The following IQCM variants were observed in gnomAD, a reference collection of about 807,000 sequenced individuals.
IQCM encodes the protein IQ domain-containing protein M.
A neutral mutation model predicts 57.6 loss-of-function variants in IQCM; 45 were observed. The observed-to-expected ratio is 0.78, with a 90% CI of 0.62 to 1.00. The LOEUF is 1.00. Among genes scored for constraint, IQCM ranks in the 50% least tolerant of loss-of-function variants. The pLI is 0.00. For synonymous variants in IQCM, 148 were observed against 158.9 expected (o/e 0.93, Z 0.51); for missense variants, 468 against 511.6 (o/e 0.91, Z 0.82).
At chr4:149,779,060 T>G (rs1771364312) in intron 2 of IQCM, among the ~76,000 whole-genome samples, 1 of 152,148 alleles carries the variant, frequency 6.6e-6, no homozygotes, top group Non-Finnish European at 1.5e-5. Context: ...TCATCATGAA[T>G]ATACACAAAA....
intron 2 of IQCM, among the ~76,000 whole-genome samples, chr4:149,756,303 A>T (rs758303169): frequency 6.6e-6 from 1 of 152,232 alleles, no homozygotes; most frequent in African/African-American, 2.4e-5. Flanking sequence ...GGCTATCTAG[A>T]AAAGGATGGC....
chr4:149,784,431 A>G (rs1771890384), intron 2 of IQCM, among the ~76,000 whole-genome samples: 1 of 152,164 alleles, frequency 6.6e-6, no homozygotes, highest in Admixed American at 6.5e-5. Flanking sequence ...CTCTGAAAAA[A>G]GTAAATCTTT....
intron 13 of IQCM, among the ~76,000 whole-genome samples, chr4:149,400,025 T>C (rs966250784): frequency 3.3e-5 from 5 of 151,932 alleles, no homozygotes; most frequent in Admixed American, 6.6e-5. Flanking sequence ...AGACTCTGGA[T>C]TGGCGGTAGA....
chr4:149,644,182 CTAT>C (rs2150120940), intron 7 of IQCM, among the ~76,000 whole-genome samples: 1 of 152,224 alleles, frequency 6.6e-6, no homozygotes, highest in African/African-American at 2.4e-5. Flanking sequence ...TTAAAATCTA[CTAT>C]TGTAAAATAT....
intron 2 of IQCM, among the ~76,000 whole-genome samples, chr4:149,787,580 C>A (rs1372335094): frequency 6.6e-6 from 1 of 151,948 alleles, no homozygotes; most frequent in Non-Finnish European, 1.5e-5. Flanking sequence ...CAAGAACATC[C>A]ATTGGGGAAA....
At chr4:149,588,345 C>A (rs1335099296) in intron 8 of IQCM, among the ~76,000 whole-genome samples, 1 of 151,400 alleles carries the variant, frequency 6.6e-6, no homozygotes, top group African/African-American at 2.4e-5. Flanking sequence ...AGTACATATG[C>A]AAAAGGGAAA....
intron 12 of IQCM, among the ~76,000 whole-genome samples, chr4:149,531,166 T>A (rs1746709623): frequency 6.6e-6 from 1 of 152,156 alleles, no homozygotes; most frequent in Admixed American, 6.6e-5. Context: ...ATATTGATTG[T>A]ATGATAAGAT....
chr4:149,563,023 T>C (rs906564283), intron 10 of IQCM, among the ~76,000 whole-genome samples: 11 of 152,302 alleles, frequency 7.2e-5, no homozygotes, highest in African/African-American at 2.6e-4. Flanking sequence ...TAGGATTCTC[T>C]CAAAGGTTTT....
intron 2 of IQCM, among the ~76,000 whole-genome samples, chr4:149,772,267 A>C (rs1165868462): frequency 6.6e-6 from 1 of 152,186 alleles, no homozygotes; most frequent in East Asian, 1.9e-4. Flanking sequence ...GGAATATTAC[A>C]CATAACTTAC....
At chr4:149,797,568 G>A (rs1773222969) in intron 2 of IQCM, among the ~76,000 whole-genome samples, 1 of 152,140 alleles carries the variant, frequency 6.6e-6, no homozygotes, top group East Asian at 1.9e-4. Flanking sequence ...CAATATTCAA[G>A]TACAGAAAGG....
chr4:149,764,542 T>C (rs926872587), intron 2 of IQCM, among the ~76,000 whole-genome samples: 3 of 152,142 alleles, frequency 2.0e-5, no homozygotes, highest in Non-Finnish European at 4.4e-5. Context: ...TATTTAAGCA[T>C]CACCGTCTGG....
chr4:149,662,494 T>C (rs1760313185), intron 7 of IQCM, among the ~76,000 whole-genome samples: 1 of 151,986 alleles, frequency 6.6e-6, no homozygotes, highest in African/African-American at 2.4e-5. Flanking sequence ...GATCTGTCCA[T>C]TGTTGAAAGT....
At chr4:149,665,054 G>A (rs1198317304) in intron 7 of IQCM, among the ~76,000 whole-genome samples, 1 of 152,182 alleles carries the variant, frequency 6.6e-6, no homozygotes, top group African/African-American at 2.4e-5. Context: ...GAATTGCAGT[G>A]CTGCAGAAAC....
At chr4:149,404,122 C>T (rs1026618836) in intron 13 of IQCM, among the ~76,000 whole-genome samples, 6 of 152,124 alleles carry the variant, frequency 3.9e-5, no homozygotes, top group African/African-American at 1.4e-4. Flanking sequence ...AGAACTCTCA[C>T]CTCTTGGGAG....
chr4:149,732,435 T>C (rs531171908), intron 5 of IQCM, among the ~76,000 whole-genome samples: 2 of 152,242 alleles, frequency 1.3e-5, no homozygotes, highest in Admixed American at 6.5e-5. Context: ...TGCTCCTCAG[T>C]GTTTCCATAA....
chr4:149,527,961 C>G (rs536388837), intron 12 of IQCM, among the ~76,000 whole-genome samples: 1 of 149,520 alleles, frequency 6.7e-6, no homozygotes, highest in South Asian at 2.1e-4. Context: ...GCTTGGATAT[C>G]TTCATGAGAG....
At chr4:149,717,786 C>T (rs1226691963) in intron 5 of IQCM, among the ~76,000 whole-genome samples, 1 of 152,180 alleles carries the variant, frequency 6.6e-6, no homozygotes, top group African/African-American at 2.4e-5. Flanking sequence ...ATGGCATAGA[C>T]TTTTAATGTC....
chr4:149,625,310 A>G (rs1561074626), intron 7 of IQCM, among the ~76,000 whole-genome samples: 1 of 152,232 alleles, frequency 6.6e-6, no homozygotes, highest in East Asian at 1.9e-4. Context: ...TTTGTTTATA[A>G]TAAGTTGTTT....
intron 7 of IQCM, among the ~76,000 whole-genome samples, chr4:149,654,023 G>A (rs1366771325): frequency 1.3e-5 from 2 of 152,096 alleles, no homozygotes; most frequent in East Asian, 1.9e-4. Context: ...AAACAAAGGA[G>A]GTGCTTTACA....
Sources: allele counts gnomAD v4.1 joint callset (sites outside exome capture counted in the v4.1 genomes callset), GRCh38; gene constraint gnomAD v4.1.1; transcripts MANE v1.5; gene names NCBI Gene and HGNC (gene_info 2026-07-23, HGNC 2026-07-21).